Variants in ZNF831 observed in about 807,000 individuals in gnomAD.
ZNF831 encodes chromosome 20 open reading frame 174.
ZNF831 carries 59 observed loss-of-function variants against 95.8 expected under a neutral mutation model. The observed-to-expected ratio is 0.62, with a 90% CI of 0.50 to 0.77. The LOEUF is 0.77. Ranked by LOEUF, ZNF831 falls within the 30% of genes least tolerant of loss-of-function variation. The pLI, the probability that ZNF831 is intolerant of heterozygous loss-of-function variation, is 0.00. For missense variants in ZNF831, 2,205 were observed against 2,164.0 expected (o/e 1.02, Z -0.38); for synonymous variants, 961 against 925.5 (o/e 1.04, Z -0.70).
chr20:59,142,453 A>C (rs1471999617), intron 1 of ZNF831, among the ~76,000 whole-genome samples: 2 of 152,144 alleles, frequency 1.3e-5, no homozygotes, highest in African/African-American at 4.8e-5. Flanking sequence ...TTCTTCCCCA[A>C]TACCCCCTAC....
Position 59,254,925 on chromosome 20 carries a change from C to A in ZNF831, c.*182C>A. The A allele has an allele frequency of 2.7e-6, 2 of 748,794 alleles. No individual in the cohort carries two copies. The highest frequency in any genetic ancestry group is 4.2e-6 in the Non-Finnish European group (2 of 476,172). The allele number at this position is 748,794 out of a possible 1,614,324, so 46.4% of individuals were successfully genotyped here. On this transcript the variant is annotated 3_prime_UTR_variant, in exon 6 of 6. Coordinates refer to ENST00000371030, the MANE Select transcript of ZNF831 (RefSeq NM_178457.3). This position sits in a 1 kb window ranked among gnomAD's most constrained non-coding sequence, Gnocchi z 4.5. ...TGACCCCCAACTCAGCCGCAGCGTT[C>A]CCCAGCTCCCCTTGGGAGTGCTCTG...
intron 2 of ZNF831, among the ~76,000 whole-genome samples, chr20:59,155,403 AC>A (rs1220730597): frequency 6.6e-6 from 1 of 152,178 alleles, no homozygotes; most frequent in Non-Finnish European, 1.5e-5. Context: ...TGCCTAGAGC[AC>A]CCTGATGTGA....
At chr20:59,209,834 G>C (rs961416052) in intron 4 of ZNF831, among the ~76,000 whole-genome samples, 2 of 152,130 alleles carry the variant, frequency 1.3e-5, no homozygotes, top group Non-Finnish European at 2.9e-5. Context: ...ACATCTTCAT[G>C]TGGACTTCTC....
In ZNF831 at chr20:59,129,196, G is replaced by A. The variant is rs114110083; in HGVS notation, c.-1425+5691G>A. On this transcript the variant is annotated intron_variant, in intron 1 of 7. Coordinates refer to the ZNF831 transcript ENST00000637017. ...CCTTATTCAGCTGTCATCAGTTTTT[G>A]CATGCATTTGTGTGTGTGTATGTTG... is the stretch of plus-strand genomic sequence containing the variant. 6.2e-3 allele frequency among the ~76,000 whole-genome samples: 938 copies of A among 152,268 alleles called. 11 individuals carry two copies. The highest frequency in any genetic ancestry group is 0.022 in the African/African-American group (899 of 41,554).
At chr20:59,151,777 G>A (rs980862685) in intron 2 of ZNF831, among the ~76,000 whole-genome samples, 5 of 152,224 alleles carry the variant, frequency 3.3e-5, no homozygotes, top group African/African-American at 1.2e-4. Context: ...AAATACTGGT[G>A]CCGGCTGAGC....
intron 1 of ZNF831, among the ~76,000 whole-genome samples, chr20:59,132,462 G>T (rs1466275107): frequency 1.3e-5 from 2 of 152,102 alleles, no homozygotes; most frequent in East Asian, 1.9e-4. Flanking sequence ...CCATCAACAG[G>T]GCTGGAGGAG....
At chr20:59,148,050 G>A (rs1298110432) in intron 2 of ZNF831, among the ~76,000 whole-genome samples, 2 of 152,194 alleles carry the variant, frequency 1.3e-5, no homozygotes, top group Non-Finnish European at 2.9e-5. Flanking sequence ...AATTAGAAGA[G>A]ACGTCCCTTA....
chr20:59,141,387 G>C (rs575303063), intron 1 of ZNF831, among the ~76,000 whole-genome samples: 1 of 152,222 alleles, frequency 6.6e-6, no homozygotes, highest in East Asian at 1.9e-4. Context: ...TTTGTATAAG[G>C]TGTGAGGTGT....
At chr20:59,170,235 CTG>C (rs1306867148) in intron 1 of ZNF831, among the ~76,000 whole-genome samples, 4 of 152,106 alleles carry the variant, frequency 2.6e-5, no homozygotes, top group Non-Finnish European at 4.4e-5. Flanking sequence ...AATCATCACA[CTG>C]TGGGAAATGC....
At chr20:59,233,349 A>G (rs1276446217) in intron 4 of ZNF831, among the ~76,000 whole-genome samples, 3 of 152,090 alleles carry the variant, frequency 2.0e-5, no homozygotes, top group South Asian at 4.1e-4. Flanking sequence ...TTCTTCTCCC[A>G]ACATTTGCCT....
At chr20:59,167,598 A>G (rs1206443422) in intron 1 of ZNF831, among the ~76,000 whole-genome samples, 1 of 151,724 alleles carries the variant, frequency 6.6e-6, no homozygotes, top group Non-Finnish European at 1.5e-5. Context: ...CACATTTAAG[A>G]CTGTTTTAAA....
At chr20:59,227,466 A>T (rs867941727) in intron 4 of ZNF831, among the ~76,000 whole-genome samples, 34 of 152,212 alleles carry the variant, frequency 2.2e-4, no homozygotes, top group African/African-American at 7.7e-4. Context: ...GTAAAATAAC[A>T]TTTGGCTGGA....
chr20:59,228,292 G>C (rs1468941385), intron 4 of ZNF831, among the ~76,000 whole-genome samples: 2 of 152,150 alleles, frequency 1.3e-5, no homozygotes, highest in Non-Finnish European at 2.9e-5. Flanking sequence ...TGCTGGGTTT[G>C]CTCATTCATC....
chr20:59,209,472 A>G (rs76241240), intron 4 of ZNF831, among the ~76,000 whole-genome samples: 11,597 of 152,240 alleles, frequency 0.076, 599 homozygotes, highest in Non-Finnish European at 0.11. Context: ...GATTGAGTGG[A>G]TAAAGTCTCA....
chr20:59,170,460 T>C (rs909576273), intron 1 of ZNF831, among the ~76,000 whole-genome samples: 2 of 152,240 alleles, frequency 1.3e-5, no homozygotes, highest in South Asian at 4.1e-4. Flanking sequence ...CTTTCTGTTG[T>C]TGATTCATAG....
At chr20:59,185,622 C>T (rs1982961104) in intron 1 of ZNF831, among the ~76,000 whole-genome samples, 1 of 152,096 alleles carries the variant, frequency 6.6e-6, no homozygotes, top group East Asian at 1.9e-4. Flanking sequence ...TGAAATTCGT[C>T]CTGCAGCGAG....
chr20:59,191,034 A>T lies in ZNF831; in HGVS notation c.15A>T (p.Glu5Asp), dbSNP rs569563465. The change falls in exon 2 of 6, where the codon GAA becomes GAT. Residue 5 changes from glutamate to aspartate, a missense_variant. Physicochemically the swap from Glu to Asp is conservative, Grantham distance 45. Coordinates refer to ENST00000371030, the MANE Select transcript of ZNF831 (RefSeq NM_178457.3). MEVP[E>D]PTCPAPPARD... ...GATGATGCGGAATGGAGGTTCCAGA[A>T]CCCACCTGCCCTGCCCCTCCTGCGA... 1 of 1,485,034 alleles carries T rather than the reference A, an allele frequency of 6.7e-7. No individual in the cohort carries two copies. The highest frequency in any genetic ancestry group is 2.4e-5 in the East Asian group (1 of 42,348). 92.0% of individuals were successfully genotyped at this position (1,485,034 alleles called of 1,614,324 possible).
intron 4 of ZNF831, among the ~76,000 whole-genome samples, chr20:59,230,418 G>A (rs1189239785): frequency 1.3e-5 from 2 of 152,104 alleles, no homozygotes; most frequent in African/African-American, 4.8e-5. Flanking sequence ...GTTGCAGTGA[G>A]CTGATATCAA....
At chr20:59,202,821 C>G (rs1313053825) in intron 3 of ZNF831, among the ~76,000 whole-genome samples, 1 of 152,194 alleles carries the variant, frequency 6.6e-6, no homozygotes, top group Non-Finnish European at 1.5e-5. Context: ...AGCAATCTCA[C>G]TTTTCCAGGG....
Sources: gnomAD v4.1 joint callset for allele counts (sites outside exome capture counted in the v4.1 genomes callset) on GRCh38, gnomAD v4.1.1 for gene constraint, Gnocchi (gnomAD v3.1) non-coding constraint, MANE v1.5 for transcripts, NCBI Gene and HGNC (gene_info 2026-07-23, HGNC 2026-07-21) for gene names.